Variants in XPO7 observed in about 807,000 individuals in gnomAD.
XPO7 encodes exportin-7.
A neutral mutation model predicts 144.3 loss-of-function variants in XPO7; 21 were observed. The ratio of observed to expected loss-of-function variants is 0.15; its 90% CI spans 0.10 to 0.21. XPO7 has a LOEUF of 0.21. Among genes scored for constraint, XPO7 ranks in the 10% least tolerant of loss-of-function variants. The probability of loss-of-function intolerance (pLI) is 1.00; values close to 1 mark genes in which losing one functional copy is unlikely to be tolerated. For missense variants in XPO7, 808 were observed against 1,325.8 expected, an observed-to-expected ratio of 0.61 and a Z score of 6.06; for synonymous variants, 580 against 499.6, an observed-to-expected ratio of 1.16 and a Z score of -2.15.
At chr8:21,939,879 AGTC>A (rs1240559453) in intron 1 of XPO7, among the ~76,000 whole-genome samples, 1 of 152,242 alleles carries the variant, frequency 6.6e-6, no homozygotes, top group Non-Finnish European at 1.5e-5. Flanking sequence ...AACATTTAGT[AGTC>A]TTTTAAATTT....
intron 1 of XPO7, among the ~76,000 whole-genome samples, chr8:21,931,194 G>T (rs200565122): frequency 6.8e-6 from 1 of 148,084 alleles, no homozygotes. Flanking sequence ...ACAGAGTCTC[G>T]CTCTGTTGAC....
intron 1 of XPO7, among the ~76,000 whole-genome samples, chr8:21,953,639 A>G (rs1240233458): frequency 6.6e-6 from 1 of 152,220 alleles, no homozygotes; most frequent in Non-Finnish European, 1.5e-5. Context: ...TCTCACCAAC[A>G]GTTCCTGTTG....
chr8:21,988,389 T>TA (rs1812650971), intron 15 of XPO7: 1 of 157,138 alleles, frequency 6.4e-6, no homozygotes, highest in African/African-American at 2.4e-5. Flanking sequence ...TTTTTTATTT[T>TA]TTTTTTTACG....
intron 3 of XPO7, chr8:21,969,794 G>A (rs73221584): frequency 4.5e-4 from 251 of 557,950 alleles, no homozygotes; most frequent in Non-Finnish European, 6.6e-4. Flanking sequence ...TTTTGTTATC[G>A]GGAGATTTCT....
chr8:21,930,275 A>C (rs1332882546), intron 1 of XPO7, among the ~76,000 whole-genome samples: 1 of 152,218 alleles, frequency 6.6e-6, no homozygotes, highest in Non-Finnish European at 1.5e-5. Flanking sequence ...ACATTCCCTC[A>C]TTTGGCTGGT....
At position 21,931,849 on chromosome 8, in the gene XPO7, ATCT is replaced by A. The variant is rs1437229981; in HGVS notation, c.18+12065_18+12067del. On this transcript the variant is annotated intron_variant, in intron 1 of 27. Coordinates refer to ENST00000252512, the MANE Select transcript of XPO7 (RefSeq NM_015024.5). ...ATCTAGAAAAGGCTTCTTTTTTAAAATCTTCTATTCTGCTAGAAGATTACTTTA... is the reference window on the plus strand; with the variant it reads ...ATCTAGAAAAGGCTTCTTTTTTAAAATCTATTCTGCTAGAAGATTACTTTA... 5.3e-5 allele frequency among the ~76,000 whole-genome samples: 8 copies of A among 152,244 alleles called. No homozygotes were observed. The South Asian group carries it at 1.2e-3, about 24-fold the overall frequency.
intron 1 of XPO7, among the ~76,000 whole-genome samples, chr8:21,928,191 A>G (rs1158048294): frequency 3.9e-5 from 6 of 152,130 alleles, no homozygotes; most frequent in Non-Finnish European, 8.8e-5. Flanking sequence ...CTTACTGTAT[A>G]CTCTTGTTTT....
intron 1 of XPO7, among the ~76,000 whole-genome samples, chr8:21,956,811 GTTTTTTGGTCAAGTTTCC>G (rs1297370333): frequency 6.9e-6 from 1 of 145,074 alleles, no homozygotes; most frequent in East Asian, 2.0e-4. Context: ...TTCATCTTTT[GTTTTTTGGTCAAGTTTCC>G]TTCTCCCTAT....
chr8:22,000,998 G>A (rs1046955480), intron 24 of XPO7, among the ~76,000 whole-genome samples: 3 of 152,146 alleles, frequency 2.0e-5, no homozygotes, highest in African/African-American at 7.2e-5. Context: ...ATCAGCCCTT[G>A]CTTTGGAAGA....
Position 21,919,670 on chromosome 8 carries a change from G to A in XPO7, c.-101G>A. On this transcript the variant is annotated 5_prime_UTR_variant, in exon 1 of 28. Transcript: ENST00000252512. ...CAGCGCGACGAGTCCCCAGCGCGCA[G>A]GCGCAGCGGCGACGGCGTCGGCGGC... The A allele has an allele frequency of 1.1e-5, 2 of 183,706 alleles. No individual in the cohort carries two copies. Among genetic ancestry groups the A allele is most frequent in the Non-Finnish European group, 2.4e-5 (2 of 82,956 alleles). The allele number at this position is 183,706 out of a possible 1,614,324, so 11.4% of individuals were successfully genotyped here.
intron 1 of XPO7, among the ~76,000 whole-genome samples, chr8:21,928,844 A>G (rs1364614178): frequency 6.6e-6 from 1 of 152,246 alleles, no homozygotes; most frequent in Non-Finnish European, 1.5e-5. Context: ...GTTTTATTGG[A>G]ACATGCATTC....
chr8:21,955,427 A>G (rs1350359890), intron 1 of XPO7, among the ~76,000 whole-genome samples: 2 of 152,254 alleles, frequency 1.3e-5, no homozygotes, highest in Non-Finnish European at 2.9e-5. Context: ...TTTTCTGTAC[A>G]GTAAACTTCA....
Position 21,999,606 on chromosome 8 carries a change from T to C in XPO7, c.2714T>C (p.Ile905Thr). ...EVLTQDHMNF[I>T]ASLEPHVIMY... The stretch of plus-strand genomic sequence containing the variant: ...CTGACCCAGGACCATATGAACTTTA[T>C]TGCAAGCCTGGAACCTCACGTCATC... Residue 905 changes from isoleucine (I) to threonine (T), a missense_variant, in exon 24 of 28, where the codon ATT (isoleucine) becomes ACT (threonine). Around this residue, in one of 5 missense-constraint regions of XPO7, gnomAD observed 140 missense variants for 237.9 expected, o/e 0.59. Transcript: ENST00000252512. The C allele has an allele frequency of 6.2e-7, 1 of 1,614,038 alleles. No homozygotes were observed. The highest frequency in any genetic ancestry group is 8.5e-7 in the Non-Finnish European group (1 of 1,179,904).
At chr8:21,924,645 G>A (rs368396170) in intron 1 of XPO7, among the ~76,000 whole-genome samples, 97 of 152,234 alleles carry the variant, frequency 6.4e-4, no homozygotes, top group African/African-American at 2.2e-3. Context: ...GGGGTGGGGA[G>A]AGTGTGCCTA....
At chr8:21,932,777 G>A (rs1810694989) in intron 1 of XPO7, among the ~76,000 whole-genome samples, 1 of 152,166 alleles carries the variant, frequency 6.6e-6, no homozygotes, top group Non-Finnish European at 1.5e-5. Flanking sequence ...TGTTAATATA[G>A]TCTAGCGGCT....
intron 1 of XPO7, chr8:21,921,318 T>G (rs1340721137): frequency 1.3e-5 from 2 of 152,146 alleles, no homozygotes; most frequent in Non-Finnish European, 1.5e-5. Context: ...ATAATGAGAT[T>G]TGGTTAAGGT....
At position 21,974,750 on chromosome 8, in the gene XPO7, A is replaced by G. The variant is rs1218031933; in HGVS notation, c.573A>G (p.Thr191=). ...FRDSSLFDIF[T]LSCNLLKQAS... is the part of the protein sequence containing the mutation. ...ATTCATCATTATTTGATATCTTCAC[A>G]CTTTCCTGCAATTTACTAAAACAGG... The change falls in exon 6 of 28, where the codon ACA becomes ACG. Residue 191 remains threonine (T), a synonymous_variant. Transcript: ENST00000252512. 3 of 1,577,656 alleles carry G rather than the reference A, an allele frequency of 1.9e-6. No homozygotes were observed. The highest frequency in any genetic ancestry group is 1.2e-5 in the South Asian group (1 of 85,566).
In XPO7 at chr8:21,987,207, G is replaced by A; in HGVS notation, c.1644G>A (p.Leu548=). 1 of 1,614,032 alleles carries A rather than the reference G, an allele frequency of 6.2e-7. No homozygotes were observed. The highest frequency in any genetic ancestry group is 8.5e-7 in the Non-Finnish European group (1 of 1,179,898). The change falls in exon 14 of 28, where the codon TTG becomes TTA. Residue 548 remains leucine, a synonymous_variant. Transcript: ENST00000252512. ...LAQAGNEKLE[L]AMLSFFEQFR... Reference sequence around the variant, plus strand: ...AGGCGGGTAATGAGAAGCTAGAGTTGGCCATGCTGAGCTTTTTTGAACAGT... The same window carrying A: ...AGGCGGGTAATGAGAAGCTAGAGTTAGCCATGCTGAGCTTTTTTGAACAGT...
intron 1 of XPO7, among the ~76,000 whole-genome samples, chr8:21,931,425 G>A (rs1031883): frequency 0.36 from 54,489 of 151,738 alleles, 10,281 homozygotes; most frequent in East Asian, 0.43. Context: ...GATTACAGTC[G>A]TGAGCCACCG....
Sources: gnomAD v4.1 joint callset for allele counts (sites outside exome capture counted in the v4.1 genomes callset) on GRCh38, gnomAD v4.1.1 for gene constraint, gnomAD v4.1.1 regional missense constraint, MANE v1.5 for transcripts, NCBI Gene and HGNC (gene_info 2026-07-23, HGNC 2026-07-21) for gene names.